MACROD2: variants seen among roughly 807,000 people sequenced by gnomAD.
MACROD2 encodes the protein ADP-ribose glycohydrolase MACROD2.
MACROD2 carries 36 observed loss-of-function variants against 70.4 expected under a neutral mutation model. That is an observed-to-expected ratio of 0.51 (90% CI 0.39 to 0.68). The LOEUF is 0.68. MACROD2 is among the 30% of genes least tolerant of loss of function. The probability of loss-of-function intolerance (pLI) is 0.00; values close to 1 mark genes in which losing one functional copy is unlikely to be tolerated. For synonymous variants in MACROD2, 172 were observed against 178.8 expected (o/e 0.96, Z 0.30); for missense variants, 496 against 538.4 (o/e 0.92, Z 0.78).
chr20:14,000,252 A>G (rs1425617529), intron 1 of MACROD2, among the ~76,000 whole-genome samples: 2 of 151,966 alleles, frequency 1.3e-5, no homozygotes, highest in Non-Finnish European at 2.9e-5. Context: ...CTTGATTTCA[A>G]CTTCTTCAAT....
intron 15 of MACROD2, among the ~76,000 whole-genome samples, chr20:16,011,642 G>C (rs2066864330): frequency 6.6e-6 from 1 of 151,894 alleles, no homozygotes; most frequent in Non-Finnish European, 1.5e-5. Context: ...GAGTAAAGGA[G>C]ACAGGGAAGG....
chr20:14,712,488 C>T (rs1225125002), intron 5 of MACROD2, among the ~76,000 whole-genome samples: 6 of 152,226 alleles, frequency 3.9e-5, no homozygotes, highest in African/African-American at 1.4e-4. Flanking sequence ...GAATGCCCTG[C>T]ATACCTATAG....
intron 5 of MACROD2, chr20:14,894,185 C>T (rs560409732): frequency 6.6e-6 from 1 of 152,078 alleles, no homozygotes; most frequent in South Asian, 2.1e-4. Flanking sequence ...TAGAATCAAA[C>T]TGAAACTTAA....
At chr20:15,268,031 A>G (rs2146059961) in intron 6 of MACROD2, among the ~76,000 whole-genome samples, 1 of 152,336 alleles carries the variant, frequency 6.6e-6, no homozygotes, top group East Asian at 1.9e-4. Context: ...TGAACTGAGG[A>G]GAAAGTCCTA....
intron 8 of MACROD2, among the ~76,000 whole-genome samples, chr20:15,514,328 C>T (rs1479494475): frequency 2.6e-5 from 4 of 152,174 alleles, no homozygotes; most frequent in Non-Finnish European, 5.9e-5. Flanking sequence ...CTGCAAGCTC[C>T]ATTCATGGTG....
At chr20:15,476,714 A>G (rs2047027208) in intron 7 of MACROD2, among the ~76,000 whole-genome samples, 1 of 152,196 alleles carries the variant, frequency 6.6e-6, no homozygotes, top group Non-Finnish European at 1.5e-5. Flanking sequence ...AGTAACAGAG[A>G]AGAAAAACCA....
intron 5 of MACROD2, among the ~76,000 whole-genome samples, chr20:15,224,916 C>A (rs974421573): frequency 6.7e-6 from 1 of 149,888 alleles, no homozygotes; most frequent in Non-Finnish European, 1.5e-5. Flanking sequence ...GCCAAGATTG[C>A]ACCACTGCAC....
intron 5 of MACROD2, among the ~76,000 whole-genome samples, chr20:14,993,903 A>AT (rs551154335): frequency 3.9e-5 from 6 of 152,206 alleles, no homozygotes; most frequent in South Asian, 4.2e-4. Flanking sequence ...CACTTAAGAG[A>AT]TTTTTTTTAA....
chr20:14,455,827 G>T (rs1306726792), intron 3 of MACROD2, among the ~76,000 whole-genome samples: 5 of 151,632 alleles, frequency 3.3e-5, no homozygotes, highest in Non-Finnish European at 7.4e-5. Context: ...ATGAACTCAT[G>T]AATTCAATCT....
At chr20:15,681,523 T>C (rs1353326878) in intron 8 of MACROD2, among the ~76,000 whole-genome samples, 1 of 152,200 alleles carries the variant, frequency 6.6e-6, no homozygotes, top group Non-Finnish European at 1.5e-5. Flanking sequence ...ATATTTTCAA[T>C]TCATTTTAGA....
rs114142764 is a variant in MACROD2 at position 14,687,206 on chromosome 20, G to A, written c.418+2247G>A. On this transcript the variant is annotated intron_variant, in intron 5 of 17. Coordinates refer to ENST00000684519, the MANE Select transcript of MACROD2 (RefSeq NM_001351661.2). ...GTCCTTAAACCAAGTAATATTCCCA[G>A]TCCCCTATTGATTCACTGTTTTCTT... Among the ~76,000 whole-genome samples the A allele has an allele frequency of 6.1e-3, 933 of 152,162 alleles. 13 individuals carry two copies. The highest frequency in any genetic ancestry group is 0.021 in the African/African-American group (876 of 41,512).
intron 4 of MACROD2, among the ~76,000 whole-genome samples, chr20:14,526,034 G>GA (rs1158112461): frequency 1.3e-5 from 2 of 152,236 alleles, no homozygotes; most frequent in Non-Finnish European, 2.9e-5. Flanking sequence ...AATGTTGATA[G>GA]AAAAAAGCCC....
chr20:16,035,583 T>C (rs963688695), intron 15 of MACROD2, among the ~76,000 whole-genome samples: 2 of 152,048 alleles, frequency 1.3e-5, no homozygotes, highest in Non-Finnish European at 2.9e-5. Flanking sequence ...CTATAATTTC[T>C]ATGGGACAAA....
At chr20:14,258,382 A>G (rs1306185983) in intron 3 of MACROD2, among the ~76,000 whole-genome samples, 7 of 129,842 alleles carry the variant, frequency 5.4e-5, no homozygotes, top group Non-Finnish European at 1.1e-4. Context: ...CCTTGCCAAC[A>G]TCTATTATTT....
intron 6 of MACROD2, among the ~76,000 whole-genome samples, chr20:15,279,395 T>TC (rs1265036741): frequency 6.6e-6 from 1 of 152,154 alleles, no homozygotes; most frequent in Non-Finnish European, 1.5e-5. Flanking sequence ...AAATGGACTC[T>TC]CAGTCATCCC....
intron 7 of MACROD2, among the ~76,000 whole-genome samples, chr20:15,494,762 TGCGC>T (rs66832904): frequency 0.47 from 58,870 of 124,412 alleles, 12,145 homozygotes; most frequent in Middle Eastern, 0.55. Flanking sequence ...TGTGTGTGTG[TGCGC>T]GTGTGTGTGT....
At chr20:15,151,153 CA>C (rs1283264775) in intron 5 of MACROD2, among the ~76,000 whole-genome samples, 3 of 152,088 alleles carry the variant, frequency 2.0e-5, no homozygotes, top group Non-Finnish European at 4.4e-5. Context: ...GCCAGAGTTC[CA>C]GGGGGCTCTG....
chr20:14,419,055 TTTG>T (rs2083845251), intron 3 of MACROD2, among the ~76,000 whole-genome samples: 1 of 148,240 alleles, frequency 6.7e-6, no homozygotes. Flanking sequence ...TTTTTTTTGT[TTTG>T]TTTTTTGTTT....
intron 8 of MACROD2, among the ~76,000 whole-genome samples, chr20:15,820,674 T>A (rs1325809525): frequency 6.6e-6 from 1 of 152,226 alleles, no homozygotes; most frequent in Admixed American, 6.5e-5. Context: ...ATGTGTTCAC[T>A]GCTATCTTTT....
Sources: gnomAD v4.1 joint callset for allele counts (sites outside exome capture counted in the v4.1 genomes callset) on GRCh38, gnomAD v4.1.1 for gene constraint, MANE v1.5 for transcripts, NCBI Gene and HGNC (gene_info 2026-07-23, HGNC 2026-07-21) for gene names.